LRMDA: variants seen among roughly 807,000 people sequenced by gnomAD.
LRMDA encodes the protein leucine-rich melanocyte differentiation-associated protein.
LRMDA carries 18 observed loss-of-function variants against 29.8 expected under a neutral mutation model. The ratio of observed to expected loss-of-function variants is 0.60; its 90% CI spans 0.42 to 0.90. The LOEUF (loss-of-function observed/expected upper bound fraction) is 0.90. Ranked by LOEUF, LRMDA falls within the 40% of genes least tolerant of loss-of-function variation. The pLI is 0.00. For missense variants in LRMDA, 273 were observed against 273.9 expected (o/e 1.00, Z 0.02); for synonymous variants, 125 against 109.4 (o/e 1.14, Z -0.89).
At chr10:76,186,570 G>T (rs1851153556) in intron 5 of LRMDA, among the ~76,000 whole-genome samples, 1 of 152,172 alleles carries the variant, frequency 6.6e-6, no homozygotes, top group Non-Finnish European at 1.5e-5. Context: ...GCTCTGGTGG[G>T]TTAGGACCAC....
intron 2 of LRMDA, among the ~76,000 whole-genome samples, chr10:75,456,267 G>A (rs984118182): frequency 1.2e-4 from 19 of 152,240 alleles, no homozygotes; most frequent in South Asian, 4.1e-4. Flanking sequence ...GAAGGGTCAC[G>A]GTTAATGCAG....
intron 2 of LRMDA, among the ~76,000 whole-genome samples, chr10:75,751,279 C>G (rs992869564): frequency 3.3e-5 from 5 of 151,400 alleles, no homozygotes; most frequent in East Asian, 2.0e-4. Flanking sequence ...AGTCCAGCCT[C>G]GGCTCGGCAT....
Position 76,254,358 on chromosome 10 carries a change from C to CTATGCTATGCTATGCTATG in LRMDA, c.517-70043_517-70042insTATGCTATGCTATGCTATG, listed in dbSNP as rs1554859386. Among the ~76,000 whole-genome samples, 18 of 131,386 alleles carry CTATGCTATGCTATGCTATG rather than the reference C, an allele frequency of 1.4e-4. No individual in the cohort carries two copies. In the East Asian group the frequency reaches 1.4e-3, roughly 10 times the overall value. The allele number at this position is 131,386 out of a possible 152,430, so 86.2% of individuals were successfully genotyped here. On this transcript the variant is annotated intron_variant, in intron 5 of 6. Coordinates refer to ENST00000611255, the MANE Select transcript of LRMDA (RefSeq NM_001305581.2). ...ACCATACCATCCTATCCTATCCTAT[C>CTATGCTATGCTATGCTATG]CTATGCTATGCTATGCTATGCTATG...
Position 75,802,335 on chromosome 10 carries a change from G to A in LRMDA, c.132-233673G>A, listed in dbSNP as rs868475025. Among the ~76,000 whole-genome samples the A allele has an allele frequency of 5.4e-3, 794 of 147,104 alleles. 4 individuals are homozygous for A. Among genetic ancestry groups the A allele is most frequent in the African/African-American group, 0.014 (569 of 39,578 alleles). ...CCTATCTCTAAACACACACACACGC[G>A]CACACACACACACACACACACACAC... On this transcript the variant is annotated intron_variant, in intron 2 of 6. Transcript: ENST00000611255.
At chr10:75,636,595 AAATT>A (rs1465198029) in intron 2 of LRMDA, among the ~76,000 whole-genome samples, 2 of 152,152 alleles carry the variant, frequency 1.3e-5, no homozygotes, top group African/African-American at 4.8e-5. Flanking sequence ...AAATAATAAA[AAATT>A]AAGCTTTTTT....
intron 2 of LRMDA, among the ~76,000 whole-genome samples, chr10:75,732,267 A>T (rs1011000284): frequency 2.0e-5 from 3 of 152,128 alleles, no homozygotes; most frequent in African/African-American, 7.2e-5. Context: ...CTTACAGGGA[A>T]GCATGCCTAT....
At chr10:76,061,164 G>A (rs1196407040) in intron 5 of LRMDA, among the ~76,000 whole-genome samples, 2 of 152,128 alleles carry the variant, frequency 1.3e-5, no homozygotes, top group Admixed American at 6.5e-5. Context: ...AATGTGATAC[G>A]TATACACTAT....
chr10:75,906,988 C>G (rs534251284), intron 2 of LRMDA, among the ~76,000 whole-genome samples: 9 of 152,260 alleles, frequency 5.9e-5, no homozygotes, highest in African/African-American at 2.2e-4. Flanking sequence ...GAAATTGTTC[C>G]CTCTGATTCT....
At chr10:75,936,902 CATGT>C (rs1469648966) in intron 2 of LRMDA, among the ~76,000 whole-genome samples, 3 of 152,152 alleles carry the variant, frequency 2.0e-5, no homozygotes, top group African/African-American at 7.2e-5. Context: ...TTCAGCCATG[CATGT>C]ATTTCAGTAT....
intron 6 of LRMDA, among the ~76,000 whole-genome samples, chr10:76,366,887 G>T (rs1373412924): frequency 1.3e-5 from 2 of 152,220 alleles, no homozygotes; most frequent in Non-Finnish European, 2.9e-5. Flanking sequence ...TTGGCTGTCA[G>T]TTTGTCATAG....
intron 6 of LRMDA, among the ~76,000 whole-genome samples, chr10:76,355,065 A>G (rs746794994): frequency 2.0e-5 from 3 of 152,070 alleles, no homozygotes; most frequent in Non-Finnish European, 4.4e-5. Flanking sequence ...AGAGCCTCCT[A>G]TGGGCTTTAT....
At chr10:75,737,151 G>T (rs1012580932) in intron 2 of LRMDA, among the ~76,000 whole-genome samples, 1 of 152,074 alleles carries the variant, frequency 6.6e-6, no homozygotes, top group African/African-American at 2.4e-5. Flanking sequence ...CCACCTGATT[G>T]CCAGTGTTGA....
At chr10:75,879,556 G>A (rs1283138192) in intron 2 of LRMDA, among the ~76,000 whole-genome samples, 2 of 152,158 alleles carry the variant, frequency 1.3e-5, no homozygotes, top group African/African-American at 4.8e-5. Context: ...ATGTATACAT[G>A]CCTATTTCTA....
chr10:76,312,060 A>C (rs1840636242), intron 5 of LRMDA, among the ~76,000 whole-genome samples: 1 of 152,178 alleles, frequency 6.6e-6, no homozygotes, highest in African/African-American at 2.4e-5. Context: ...GATTTCCCCC[A>C]TCATTCATTT....
chr10:75,435,743 T>C (rs558730909), intron 1 of LRMDA, among the ~76,000 whole-genome samples: 14 of 152,328 alleles, frequency 9.2e-5, no homozygotes, highest in African/African-American at 3.4e-4. Flanking sequence ...TCCTGTTTCC[T>C]TTGAATGGAA....
At chr10:75,539,328 T>G (rs1057146826) in intron 2 of LRMDA, among the ~76,000 whole-genome samples, 3 of 152,302 alleles carry the variant, frequency 2.0e-5, no homozygotes, top group Admixed American at 2.0e-4. Context: ...GTACGGGCTT[T>G]TGACAAAAAG....
intron 2 of LRMDA, among the ~76,000 whole-genome samples, chr10:75,508,325 C>T (rs1845191025): frequency 6.6e-6 from 1 of 152,160 alleles, no homozygotes; most frequent in African/African-American, 2.4e-5. Context: ...CGTGATAAAT[C>T]AACCACAGGA....
intron 5 of LRMDA, among the ~76,000 whole-genome samples, chr10:76,181,824 C>T (rs1851055256): frequency 1.3e-5 from 2 of 152,220 alleles, no homozygotes; most frequent in Non-Finnish European, 1.5e-5. Flanking sequence ...CTAAATCTCA[C>T]AGGGGTGCTT....
At chr10:76,331,881 A>G (rs1477646314) in intron 6 of LRMDA, among the ~76,000 whole-genome samples, 1 of 152,174 alleles carries the variant, frequency 6.6e-6, no homozygotes. Flanking sequence ...AATCGAGGTG[A>G]CTAGTGATTT....
Sources: gnomAD v4.1 joint callset for allele counts (sites outside exome capture counted in the v4.1 genomes callset) on GRCh38, gnomAD v4.1.1 for gene constraint, MANE v1.5 for transcripts, NCBI Gene and HGNC (gene_info 2026-07-23, HGNC 2026-07-21) for gene names.